LRRC4C: variants seen among roughly 807,000 people sequenced by gnomAD.
The protein encoded by LRRC4C is leucine-rich repeat-containing protein 4C.
Under a neutral mutation model 33.6 loss-of-function variants are expected in LRRC4C, and 5 were observed. The ratio of observed to expected loss-of-function variants is 0.15; its 90% confidence interval spans 0.08 to 0.31. The LOEUF is 0.31. Ranked by LOEUF, LRRC4C falls within the 10% of genes least tolerant of loss-of-function variation. The pLI is 1.00. For missense variants in LRRC4C, 560 were observed against 796.7 expected (o/e 0.70, Z 3.58); for synonymous variants, 329 against 302.0 (o/e 1.09, Z -0.93).
At chr11:40,330,767 G>T (rs1280596820) in intron 3 of LRRC4C, among the ~76,000 whole-genome samples, 2 of 152,044 alleles carry the variant, frequency 1.3e-5, no homozygotes, top group African/African-American at 4.8e-5. Context: ...CCTCCCACTG[G>T]GTCCCTCCCA....
rs368285628 is a variant in LRRC4C at position 40,937,820 on chromosome 11, G to GTTGT, written c.-495-4101_-495-4098dup. 5.3e-4 allele frequency among the ~76,000 whole-genome samples: 80 copies of GTTGT among 151,950 alleles called. 1 individual carries two copies. The highest frequency in any genetic ancestry group is 2.0e-3 in the Admixed American group (30 of 15,230). On this transcript the variant is annotated intron_variant, in intron 1 of 6. Transcript: ENST00000528697. The stretch of plus-strand genomic sequence containing the variant: ...CCATGCCCAGCTTTTTGTTGTTGTT[G>GTTGT]TTGTTTGTTTGTTTGTTTGTAGAGA...
At chr11:40,576,840 T>C (rs142737370) in intron 3 of LRRC4C, among the ~76,000 whole-genome samples, 2 of 152,336 alleles carry the variant, frequency 1.3e-5, no homozygotes, top group East Asian at 3.9e-4. Flanking sequence ...TTTGTGGGTT[T>C]AGCATGTAAT....
At chr11:41,249,161 A>G (rs1036298240) in intron 1 of LRRC4C, among the ~76,000 whole-genome samples, 6 of 151,604 alleles carry the variant, frequency 4.0e-5, no homozygotes, top group African/African-American at 1.5e-4. Context: ...CAGCCTCCCG[A>G]GTACCTGGGA....
In LRRC4C at chr11:40,913,642, A is replaced by G. The variant is rs1956798999; in HGVS notation, c.-407+19993T>C. ...CTAACATCACTATTAAAGGAACTTG[A>G]GAAGCAAGAGCGAACACATTCAAAA... On this transcript the variant is annotated intron_variant, in intron 2 of 6. Transcript: ENST00000528697. Among the ~76,000 whole-genome samples, 4 of 152,332 alleles carry G rather than the reference A, an allele frequency of 2.6e-5. No individual in the cohort carries two copies. In the South Asian group the frequency reaches 8.3e-4, roughly 32 times the overall value.
At chr11:41,308,150 G>T (rs920022014) in intron 1 of LRRC4C, among the ~76,000 whole-genome samples, 4 of 152,180 alleles carry the variant, frequency 2.6e-5, no homozygotes, top group Non-Finnish European at 5.9e-5. Flanking sequence ...TTGCCATCTT[G>T]TCCCTCTTTC....
intron 3 of LRRC4C, among the ~76,000 whole-genome samples, chr11:40,442,498 C>T (rs1951442637): frequency 6.6e-6 from 1 of 152,010 alleles, no homozygotes. Context: ...AAGATAAATG[C>T]TAGGATAGAG....
intron 2 of LRRC4C, among the ~76,000 whole-genome samples, chr11:40,856,391 G>A (rs987241859): frequency 2.6e-5 from 4 of 152,026 alleles, no homozygotes; most frequent in African/African-American, 9.7e-5. Context: ...GGAAGTACGT[G>A]GGTATGTTGC....
intron 3 of LRRC4C, among the ~76,000 whole-genome samples, chr11:40,354,105 G>C (rs1357609963): frequency 2.6e-5 from 4 of 152,158 alleles, no homozygotes; most frequent in Non-Finnish European, 5.9e-5. Flanking sequence ...TGTGACTCTT[G>C]CAGACTCAAG....
chr11:40,383,395 T>A (rs1001397325), intron 3 of LRRC4C, among the ~76,000 whole-genome samples: 5 of 152,160 alleles, frequency 3.3e-5, no homozygotes, highest in Admixed American at 2.0e-4. Context: ...TTGCTGGATC[T>A]TATGGCAATT....
At chr11:40,953,814 C>T (rs1958828962) in intron 1 of LRRC4C, among the ~76,000 whole-genome samples, 1 of 151,882 alleles carries the variant, frequency 6.6e-6, no homozygotes, top group Admixed American at 6.6e-5. Flanking sequence ...AGTCAAGTTT[C>T]AGCCTACCAT....
At chr11:40,663,960 A>C (rs900431962) in intron 2 of LRRC4C, among the ~76,000 whole-genome samples, 1 of 152,164 alleles carries the variant, frequency 6.6e-6, no homozygotes, top group Non-Finnish European at 1.5e-5. Flanking sequence ...GCTAGTTCCA[A>C]TCTTCTTGAT....
intron 3 of LRRC4C, among the ~76,000 whole-genome samples, chr11:40,424,936 T>C (rs1324935650): frequency 2.0e-5 from 3 of 152,200 alleles, no homozygotes; most frequent in Admixed American, 6.5e-5. Context: ...TAATAACAAA[T>C]GTCAAAAAGC....
intron 2 of LRRC4C, among the ~76,000 whole-genome samples, chr11:40,832,989 G>T (rs1952488622): frequency 6.6e-6 from 1 of 152,078 alleles, no homozygotes; most frequent in African/African-American, 2.4e-5. Context: ...GCATATTTTT[G>T]TATTCTTGTA....
chr11:40,302,738 G>A (rs1944834789), intron 4 of LRRC4C, among the ~76,000 whole-genome samples: 1 of 152,116 alleles, frequency 6.6e-6, no homozygotes, highest in African/African-American at 2.4e-5. Context: ...ACTTAGCAAT[G>A]CTTTAGTAAC....
intron 4 of LRRC4C, among the ~76,000 whole-genome samples, chr11:40,309,867 A>G (rs1176591373): frequency 6.6e-6 from 1 of 152,194 alleles, no homozygotes; most frequent in African/African-American, 2.4e-5. Flanking sequence ...ATGTTTGACT[A>G]GAGAAAGGAA....
At chr11:40,948,812 G>A (rs1226673931) in intron 1 of LRRC4C, among the ~76,000 whole-genome samples, 65 of 151,292 alleles carry the variant, frequency 4.3e-4, no homozygotes, top group African/African-American at 1.5e-3. Flanking sequence ...ATTGTGAATA[G>A]TGCCACAATA....
intron 3 of LRRC4C, among the ~76,000 whole-genome samples, chr11:40,478,263 TAAAC>T (rs1222847117): frequency 6.6e-6 from 1 of 152,198 alleles, no homozygotes; most frequent in Admixed American, 6.6e-5. Context: ...AAATGGAACT[TAAAC>T]AATAATCTAG....
intron 6 of LRRC4C, among the ~76,000 whole-genome samples, chr11:40,121,781 G>A (rs117666940): frequency 5.6e-3 from 859 of 152,248 alleles, no homozygotes; most frequent in Admixed American, 8.4e-3. Flanking sequence ...GTCATCATAG[G>A]CTTTGTCTAA....
chr11:40,454,849 T>A (rs1952059549), intron 3 of LRRC4C, among the ~76,000 whole-genome samples: 1 of 152,186 alleles, frequency 6.6e-6, no homozygotes, highest in Non-Finnish European at 1.5e-5. Context: ...GAAAACCTTT[T>A]TTTTTAAATC....
Sources: gnomAD v4.1 joint callset for allele counts (sites outside exome capture counted in the v4.1 genomes callset) on GRCh38, gnomAD v4.1.1 for gene constraint, MANE v1.5 for transcripts, NCBI Gene and HGNC (gene_info 2026-07-23, HGNC 2026-07-21) for gene names.